The following SUSD6 variants were observed in gnomAD, a reference collection of about 807,000 sequenced individuals.
SUSD6 encodes sushi domain containing 6.
In SUSD6, 16 loss-of-function variants were observed where a neutral mutation model predicts 28.4. That is an observed-to-expected ratio of 0.56 (90% CI 0.38 to 0.86). The LOEUF (loss-of-function observed/expected upper bound fraction) is 0.86, where lower values mean the gene tolerates loss of function less well. Ranked by LOEUF, SUSD6 falls within the 40% of genes least tolerant of loss-of-function variation. SUSD6 has a pLI of 0.00. For missense variants in SUSD6, 341 were observed against 384.2 expected, an observed-to-expected ratio of 0.89 and a Z score of 0.94; for synonymous variants, 147 against 159.6, an observed-to-expected ratio of 0.92 and a Z score of 0.59.
intron 2 of SUSD6, among the ~76,000 whole-genome samples, chr14:69,688,400 G>A (rs556342437): frequency 2.0e-5 from 3 of 152,282 alleles, no homozygotes; most frequent in Admixed American, 6.5e-5. Context: ...ATGCATGCAG[G>A]CACAATGGGA....
intron 2 of SUSD6, among the ~76,000 whole-genome samples, chr14:69,683,839 A>G (rs1041678057): frequency 6.6e-6 from 1 of 152,214 alleles, no homozygotes; most frequent in African/African-American, 2.4e-5. Flanking sequence ...TGCAGGAAGG[A>G]GCCCCAACTC....
At chr14:69,621,025 G>T in intron 1 of SUSD6, among the ~76,000 whole-genome samples, 1 of 152,136 alleles carries the variant, frequency 6.6e-6, no homozygotes, top group East Asian at 1.9e-4. Flanking sequence ...GGACAGTAAA[G>T]GACCTAGTTC....
chr14:69,648,550 A>T (rs1336891690), intron 1 of SUSD6, among the ~76,000 whole-genome samples: 1 of 152,154 alleles, frequency 6.6e-6, no homozygotes, highest in African/African-American at 2.4e-5. Flanking sequence ...TTTAAAGTTT[A>T]TTTTTAAATA....
chr14:69,686,365 A>G (rs1158413497), intron 2 of SUSD6, among the ~76,000 whole-genome samples: 5 of 152,208 alleles, frequency 3.3e-5, no homozygotes, highest in Non-Finnish European at 7.3e-5. Context: ...TTGTTTGACT[A>G]TGAGGGTCCT....
intron 2 of SUSD6, among the ~76,000 whole-genome samples, chr14:69,700,841 C>T (rs1424295220): frequency 6.6e-6 from 1 of 152,188 alleles, no homozygotes; most frequent in African/African-American, 2.4e-5. Flanking sequence ...GGACACTGTG[C>T]ACCCTTTTTG....
Position 69,711,272 on chromosome 14 carries a change from C to T in SUSD6, c.*293C>T. ...GATCAAACCCTCCCTTTTCCTAAGC[C>T]TCTGGGTCCCCTCCAGCCAGCTCTT... On this transcript the variant is annotated 3_prime_UTR_variant, in exon 6 of 6. Coordinates refer to ENST00000342745, the MANE Select transcript of SUSD6 (RefSeq NM_014734.4). The T allele has an allele frequency of 2.2e-6, 1 of 464,882 alleles. No individual in the cohort carries two copies. The highest frequency in any genetic ancestry group is 3.9e-6 in the Non-Finnish European group (1 of 257,098). The allele number at this position is 464,882 out of a possible 1,614,324, so 28.8% of individuals were successfully genotyped here.
chr14:69,662,909 G>A (rs1322708334), intron 2 of SUSD6, among the ~76,000 whole-genome samples: 1 of 152,214 alleles, frequency 6.6e-6, no homozygotes, highest in African/African-American at 2.4e-5. Context: ...ATAAAATGAA[G>A]TGTGTGATGT....
chr14:69,639,397 T>C (rs115514112), intron 1 of SUSD6, among the ~76,000 whole-genome samples: 42 of 149,180 alleles, frequency 2.8e-4, no homozygotes, highest in African/African-American at 1.0e-3. Context: ...GAACTTTTAC[T>C]CTTTTCCAGT....
chr14:69,635,595 CCACACACACACA>C (rs3048696), intron 1 of SUSD6, among the ~76,000 whole-genome samples: 1,985 of 143,606 alleles, frequency 0.014, 53 homozygotes, highest in African/African-American at 0.047. Context: ...CCAAGGCACA[CCACACACACACA>C]CACACACACA....
chr14:69,639,794 C>T (rs1885322008), intron 1 of SUSD6, among the ~76,000 whole-genome samples: 1 of 152,084 alleles, frequency 6.6e-6, no homozygotes, highest in Non-Finnish European at 1.5e-5. Context: ...TTGCTCTATC[C>T]ATTAGATACC....
chr14:69,652,163 G>A (rs938506936), intron 1 of SUSD6, among the ~76,000 whole-genome samples: 1 of 152,188 alleles, frequency 6.6e-6, no homozygotes, highest in Admixed American at 6.5e-5. Flanking sequence ...AATGGACAGA[G>A]GAGCCATGGT....
intron 1 of SUSD6, among the ~76,000 whole-genome samples, chr14:69,632,204 C>T (rs1306944186): frequency 1.3e-5 from 2 of 152,210 alleles, no homozygotes; most frequent in African/African-American, 4.8e-5. Flanking sequence ...GAGAGCACCA[C>T]TGTTCACCCT....
intron 1 of SUSD6, among the ~76,000 whole-genome samples, chr14:69,635,833 A>G (rs1370267845): frequency 6.6e-6 from 1 of 152,256 alleles, no homozygotes; most frequent in Non-Finnish European, 1.5e-5. Context: ...TTGGCCCTGA[A>G]GGCCAGGGCC....
At chr14:69,677,336 G>C (rs1307265682) in intron 2 of SUSD6, among the ~76,000 whole-genome samples, 3 of 152,262 alleles carry the variant, frequency 2.0e-5, no homozygotes, top group African/African-American at 4.8e-5. Flanking sequence ...ACAAGGTCAG[G>C]AGATCGAGAC....
chr14:69,691,169 C>T (rs772822802), intron 2 of SUSD6, among the ~76,000 whole-genome samples: 4 of 152,150 alleles, frequency 2.6e-5, no homozygotes, highest in Non-Finnish European at 4.4e-5. Context: ...TGGCGAAACC[C>T]TGTCCTTACT....
At chr14:69,624,020 C>T (rs1483158150) in intron 1 of SUSD6, among the ~76,000 whole-genome samples, 1 of 152,160 alleles carries the variant, frequency 6.6e-6, no homozygotes, top group African/African-American at 2.4e-5. Context: ...CAGTAATGTA[C>T]AGTAATGTCC....
intron 1 of SUSD6, among the ~76,000 whole-genome samples, chr14:69,645,619 C>T (rs1186190851): frequency 6.6e-6 from 1 of 152,168 alleles, no homozygotes; most frequent in Non-Finnish European, 1.5e-5. Flanking sequence ...AGCCTTAACT[C>T]AAATCATTGG....
chr14:69,682,759 A>G (rs1412226897), intron 2 of SUSD6, among the ~76,000 whole-genome samples: 1 of 152,132 alleles, frequency 6.6e-6, no homozygotes, highest in African/African-American at 2.4e-5. Flanking sequence ...ATATCAGATG[A>G]AGTGTTTGGT....
intron 2 of SUSD6, among the ~76,000 whole-genome samples, chr14:69,683,912 G>C (rs1886034281): frequency 6.6e-6 from 1 of 152,218 alleles, no homozygotes. Flanking sequence ...TGGCCTGGTA[G>C]AAGTCTCTTT....
Sources: allele counts gnomAD v4.1 joint callset (sites outside exome capture counted in the v4.1 genomes callset), GRCh38; gene constraint gnomAD v4.1.1; transcripts MANE v1.5; gene names NCBI Gene and HGNC (gene_info 2026-07-23, HGNC 2026-07-21).